The following ESPL1 variants were observed in gnomAD, a reference collection of about 807,000 sequenced individuals.
The protein encoded by ESPL1 is separin.
ESPL1 carries 50 observed loss-of-function variants against 217.2 expected under a neutral mutation model. The ratio of observed to expected loss-of-function variants is 0.23; its 90% confidence interval spans 0.18 to 0.29. ESPL1 has a LOEUF of 0.29. Ranked by LOEUF, ESPL1 falls within the 10% of genes least tolerant of loss-of-function variation. The pLI is 1.00. For missense variants in ESPL1, 1,834 were observed against 2,603.0 expected (o/e 0.70, Z 6.43); for synonymous variants, 994 against 1,081.3 (o/e 0.92, Z 1.58).
In ESPL1 at chr12:53,289,198, T is replaced by C; in HGVS notation, c.4817T>C (p.Leu1606Ser). The part of the protein sequence containing the change: ...LYAHLCRFLA[L>S]CLGHRDPYAT... ...GCCCACCTCTGCCGCTTCCTGGCCT[T>C]GTGCCTGGGCCACCGGGATCCTTAT... The change falls in exon 21 of 31, where the codon TTG becomes TCG. Residue 1606 changes from leucine to serine, a missense_variant. Transcript: ENST00000257934. 1 of 1,614,112 alleles carries C rather than the reference T, an allele frequency of 6.2e-7. No homozygotes were observed.
At position 53,277,103 on chromosome 12, in the gene ESPL1, G is replaced by T. The variant is rs529153854; in HGVS notation, c.1961G>T (p.Arg654Leu). 1 of 1,613,962 alleles carries T rather than the reference G, an allele frequency of 6.2e-7. No individual in the cohort carries two copies. Among genetic ancestry groups the T allele is most frequent in the South Asian group, 1.1e-5 (1 of 91,072 alleles). ...QTNCSALDAI[R>L]EALQLLDSVR... is the part of the protein sequence containing the mutation. The stretch of plus-strand genomic sequence containing the variant: ...TGCAGCTCTGCTCTGGATGCTATCC[G>T]GGAAGCCCTGCAGCTTCTGGACTCT... The change falls in exon 9 of 31, where the codon CGG (arginine) becomes CTG (leucine). Residue 654 changes from arginine (R) to leucine (L), a missense_variant. By Grantham distance (102) the Arg-to-Leu change is moderately radical. Transcript: ENST00000257934.
chr12:53,291,054 G>C, intron 25 of ESPL1, 58 bp downstream of exon 25: 1 of 1,467,086 alleles, frequency 6.8e-7, no homozygotes, highest in Non-Finnish European at 9.2e-7. Context: ...TGTAATCCCA[G>C]CACTTTGGGA....
In ESPL1 at chr12:53,289,526, T is replaced by TG; in HGVS notation, c.5047dup (p.Glu1683GlyfsTer9). 6.2e-7 allele frequency: 1 copy of TG among 1,614,186 alleles called. No individual in the cohort carries two copies. The highest frequency in any genetic ancestry group is 8.5e-7 in the Non-Finnish European group (1 of 1,180,040). ...CAGCGCCTCTTTTCCTTCAGGGCTT[T>TG]GGAATCTGGCCACTTCCCCCAGCCT... On this transcript the variant is annotated frameshift_variant, in exon 22 of 31. Coordinates refer to ENST00000257934, the MANE Select transcript of ESPL1 (RefSeq NM_012291.5). LOFTEE classifies it high-confidence loss of function.
rs1006453673 is a variant in ESPL1 at position 53,288,903 on chromosome 12, G to A, written c.4709-187G>A. Reference sequence around the variant, plus strand: ...ATTCCTTCTGTAAAAATGGGGTTTAGGGAGCATGGTGGAATAAGTTGATGC... The same window carrying A: ...ATTCCTTCTGTAAAAATGGGGTTTAAGGAGCATGGTGGAATAAGTTGATGC... On this transcript the variant is annotated intron_variant, in intron 20 of 30. Transcript: ENST00000257934. 4.2e-6 allele frequency: 3 copies of A among 709,854 alleles called. No individual in the cohort carries two copies. In the Admixed American group the frequency reaches 8.1e-5, roughly 19 times the overall value. 44.0% of individuals were successfully genotyped at this position (709,854 alleles called of 1,614,324 possible).
In ESPL1 at chr12:53,270,729, G is replaced by A. The variant is rs771426538; in HGVS notation, c.1300G>A (p.Val434Ile). Residue 434 changes from valine (V) to isoleucine (I), a missense_variant, in exon 5 of 31, where the codon GTT becomes ATT. Coordinates refer to ENST00000257934, the MANE Select transcript of ESPL1 (RefSeq NM_012291.5). The part of the protein sequence containing the change: ...TQLVDSCKST[V>I]VWMLEALEGL... ...ACTAGTGGACAGTTGTAAATCTACC[G>A]TTGTCTGGATGCTGGAGGCCTTAGA... The A allele has an allele frequency of 6.2e-6, 10 of 1,614,140 alleles. No individual in the cohort carries two copies. Among genetic ancestry groups the A allele is most frequent in the South Asian group, 2.2e-5 (2 of 91,080 alleles).
chr12:53,278,102 T>C (rs751436446), intron 11 of ESPL1, 142 bp downstream of exon 11: 1 of 905,134 alleles, frequency 1.1e-6, no homozygotes, highest in African/African-American at 1.7e-5. Context: ...ACCAGTCTTA[T>C]TTTAAATCCA....
chr12:53,287,899 A>G (rs1379610), intron 18 of ESPL1, 73 bp from the exon 19 acceptor site: 418,553 of 1,463,198 alleles, frequency 0.29, 66,491 homozygotes, highest in Non-Finnish European at 0.33. Context: ...TGCCTCCACT[A>G]CGCCACCTGC....
rs1426845160 is a variant in ESPL1, at chr12:53,286,326, G to A, written c.3590G>A (p.Arg1197His). 5.0e-6 allele frequency: 8 copies of A among 1,614,028 alleles called. No individual in the cohort carries two copies. Among genetic ancestry groups the A allele is most frequent in the African/African-American group, 4.0e-5 (3 of 74,936 alleles). ...AAGGGCTGTCCTGAAGCCGCTGAGC[G>A]CCTCACCCAAGCTCTCCAAGCTTCC... Reference protein sequence around the residue: ...VLKGCPEAAERLTQALQASLN... With the variant: ...VLKGCPEAAEHLTQALQASLN... Residue 1197 changes from arginine to histidine, a missense_variant, in exon 18 of 31, where the codon CGC becomes CAC. By Grantham distance (29) the Arg-to-His change is conservative. Coordinates refer to ENST00000257934, the MANE Select transcript of ESPL1 (RefSeq NM_012291.5). This position sits in a 1 kb window ranked among gnomAD's most constrained non-coding sequence, Gnocchi z 5.3.
Position 53,270,696 on chromosome 12 carries a change from C to T in ESPL1, c.1267C>T (p.Leu423=). 1 of 1,614,154 alleles carries T rather than the reference C, an allele frequency of 6.2e-7. No individual in the cohort carries two copies. Among genetic ancestry groups the T allele is most frequent in the Non-Finnish European group, 8.5e-7 (1 of 1,180,016 alleles). The change falls in exon 5 of 31, where the codon CTG becomes TTG. Residue 423 remains leucine (L), a synonymous_variant. Transcript: ENST00000257934. The part of the protein sequence containing the change: ...QGCQIVDLAD[L]TQLVDSCKST... ...CCTTCAGATAGTTGATTTGGCTGAC[C>T]TGACCCAACTAGTGGACAGTTGTAA...
At chr12:53,283,589 A>C (rs1565759298) in intron 16 of ESPL1, 51 bp downstream of exon 16, 1 of 1,526,362 alleles carries the variant, frequency 6.6e-7, no homozygotes, top group Non-Finnish European at 9.0e-7. Flanking sequence ...AGTGCCATGC[A>C]CCCTTGAACA....
chr12:53,271,171 TG>T (rs1351021551), intron 5 of ESPL1, among the ~76,000 whole-genome samples: 1 of 61,542 alleles, frequency 1.6e-5, no homozygotes, highest in African/African-American at 9.0e-5. Flanking sequence ...TATATTTAAG[TG>T]TTTTTTTTTT....
intron 3 of ESPL1, 122 bp from the exon 4 acceptor site, chr12:53,270,256 T>TC: frequency 1.1e-6 from 1 of 949,198 alleles, no homozygotes; most frequent in Non-Finnish European, 1.7e-6. Context: ...GCAGTGGCCC[T>TC]TCTGGATGTC....
At chr12:53,273,097 A>G (rs995535325) in intron 6 of ESPL1, among the ~76,000 whole-genome samples, 7 of 143,124 alleles carry the variant, frequency 4.9e-5, no homozygotes, top group Non-Finnish European at 9.0e-5. Flanking sequence ...GTGCAGTGGC[A>G]CAATCTTGGC....
In ESPL1 at chr12:53,274,834, G is replaced by A; in HGVS notation, c.1524G>A (p.Arg508=). ...VPPEKLHRCF[R]LQVESLKKLG... ...CTGGTCAGTTGCACAGGTGCTTCCG[G>A]CTACAAGTAGAGAGTTTGAAGAAAC... The change falls in exon 7 of 31, where the codon CGG becomes CGA. Residue 508 remains arginine (R), a synonymous_variant. Coordinates refer to ENST00000257934, the MANE Select transcript of ESPL1 (RefSeq NM_012291.5). 6.2e-7 allele frequency: 1 copy of A among 1,614,012 alleles called. No homozygotes were observed. Among genetic ancestry groups the A allele is most frequent in the Non-Finnish European group, 8.5e-7 (1 of 1,179,958 alleles).
In ESPL1 at chr12:53,292,122, G is replaced by A. The variant is rs545984602; in HGVS notation, c.5796+34G>A. On this transcript the variant is annotated intron_variant, in intron 27 of 30. Transcript: ENST00000257934. This position sits in a 1 kb window ranked among gnomAD's most constrained non-coding sequence, Gnocchi z 4.5. ...CAGGGCGTAGTGTCTGGGGATGACT[G>A]GCGACTGGGGAAGACGTCAACAAAG... is the stretch of plus-strand genomic sequence containing the variant. 6.4e-6 allele frequency: 10 copies of A among 1,550,690 alleles called. No individual in the cohort carries two copies. Among genetic ancestry groups the A allele is most frequent in the African/African-American group, 4.1e-5 (3 of 73,660 alleles).
intron 5 of ESPL1, among the ~76,000 whole-genome samples, chr12:53,271,169 A>ATTG (rs1943664641): frequency 1.4e-5 from 1 of 69,424 alleles, no homozygotes; most frequent in African/African-American, 6.5e-5. Flanking sequence ...TGTATATTTA[A>ATTG]GTGTTTTTTT....
chr12:53,286,722 G>T lies in ESPL1; in HGVS notation c.3986G>T (p.Arg1329Leu). 1 of 1,614,104 alleles carries T rather than the reference G, an allele frequency of 6.2e-7. No homozygotes were observed. The highest frequency in any genetic ancestry group is 8.5e-7 in the Non-Finnish European group (1 of 1,180,004). Residue 1329 changes from arginine (R) to leucine (L), a missense_variant, in exon 18 of 31, where the codon CGC (arginine) becomes CTC (leucine). Around this residue, in one of 5 missense-constraint regions of ESPL1, gnomAD observed 681 missense variants for 808.0 expected, o/e 0.84. Transcript: ENST00000257934. The surrounding 1 kb of genome is among the most constrained non-coding windows in gnomAD (Gnocchi z 5.3). ...GRQKLASAPL[R>L]LNNTSQKGLE... ...CAAAAGTTAGCCTCTGCTCCCCTGC[G>T]CCTCAATAATACCTCTCAGAAAGGT...
intron 25 of ESPL1, among the ~76,000 whole-genome samples, chr12:53,291,483 C>G (rs1455061115): frequency 2.0e-5 from 3 of 151,964 alleles, no homozygotes; most frequent in African/African-American, 7.3e-5. Context: ...CCGAGCTACT[C>G]AGGAGGCTGA....
At chr12:53,273,497 G>A (rs1004472658) in intron 6 of ESPL1, among the ~76,000 whole-genome samples, 8 of 151,376 alleles carry the variant, frequency 5.3e-5, no homozygotes, top group South Asian at 2.1e-4. Context: ...GATGGCTCAC[G>A]CCTATAATTC....
Sources: allele counts gnomAD v4.1 joint callset (sites outside exome capture counted in the v4.1 genomes callset), GRCh38; gene constraint gnomAD v4.1.1; regional missense constraint gnomAD v4.1.1; non-coding constraint Gnocchi (gnomAD v3.1); transcripts MANE v1.5; gene names NCBI Gene and HGNC (gene_info 2026-07-23, HGNC 2026-07-21).